Variants in NF1 observed in about 807,000 individuals in gnomAD.
NF1 encodes the protein neurofibromin 1.
Under a neutral mutation model 325.7 loss-of-function variants are expected in NF1, and 122 were observed. The ratio of observed to expected loss-of-function variants is 0.37; its 90% CI spans 0.32 to 0.44. The LOEUF (loss-of-function observed/expected upper bound fraction) is 0.44. NF1 is among the 20% of genes least tolerant of loss of function. NF1 has a pLI of 1.00. For synonymous variants in NF1, 1,091 were observed against 1,186.0 expected, an observed-to-expected ratio of 0.92 and a Z score of 1.65; for missense variants, 2,140 against 3,415.4, an observed-to-expected ratio of 0.63 and a Z score of 9.31.
intron 15 of NF1, chr17:31,222,221 G>A: frequency 9.1e-7 from 1 of 1,094,404 alleles, no homozygotes; most frequent in South Asian, 4.3e-5. Context: ...GGTTACTACT[G>A]TATTTTTAAT....
chr17:31,343,183 C>A (rs2151565456), intron 48 of NF1, 48 bp downstream of exon 48: 2 of 1,499,456 alleles, frequency 1.3e-6, no homozygotes, highest in East Asian at 2.3e-5. Flanking sequence ...TATTAAGAAA[C>A]CAGAAGTAAT....
chr17:31,307,093 G>T (rs1038216963), intron 36 of NF1, among the ~76,000 whole-genome samples: 1 of 152,032 alleles, frequency 6.6e-6, no homozygotes, highest in African/African-American at 2.4e-5. Context: ...CACAATCTGG[G>T]CTCACTGCAA....
rs7208054 is a variant in NF1 at position 31,163,584 on chromosome 17, C to T, written c.479+208C>T. 0.055 allele frequency among the ~76,000 whole-genome samples: 8,394 copies of T among 152,074 alleles called. 742 individuals carry two copies. The highest frequency in any genetic ancestry group is 0.19 in the African/African-American group (7,870 of 41,452). On this transcript the variant is annotated intron_variant, in intron 4 of 57. Coordinates refer to ENST00000358273, the MANE Select transcript of NF1 (RefSeq NM_001042492.3). Reference sequence around the variant, plus strand: ...AGAGAAATGAGTTTGTCTGGGCTTGCGTAGAAATTTTATGCATTAATATCT... The same window carrying T: ...AGAGAAATGAGTTTGTCTGGGCTTGTGTAGAAATTTTATGCATTAATATCT...
chr17:31,157,795 TAAAAA>T (rs71142027), intron 2 of NF1, among the ~76,000 whole-genome samples: 1 of 122,180 alleles, frequency 8.2e-6, no homozygotes, highest in African/African-American at 3.0e-5. Flanking sequence ...CCGTCTCTAC[TAAAAA>T]AAAAAAAAAA....
chr17:31,270,354 A>G (rs2067869083), intron 36 of NF1, among the ~76,000 whole-genome samples: 1 of 152,214 alleles, frequency 6.6e-6, no homozygotes, highest in African/African-American at 2.4e-5. Context: ...CACACCTGTA[A>G]TCCCAGCACT....
intron 1 of NF1, among the ~76,000 whole-genome samples, chr17:31,123,422 A>G (rs549215156): frequency 6.6e-6 from 1 of 152,270 alleles, no homozygotes; most frequent in East Asian, 1.9e-4. Flanking sequence ...TTATACAACT[A>G]GGAAAAGGGA....
At position 31,375,937 on chromosome 17, in the gene NF1, A is replaced by C. The variant is rs529534240; in HGVS notation, c.*1782A>C. The C allele has an allele frequency of 4.3e-5, 10 of 233,102 alleles. No individual in the cohort carries two copies. The highest frequency in any genetic ancestry group is 2.2e-4 in the African/African-American group (10 of 45,454). 14.4% of individuals were successfully genotyped at this position (233,102 alleles called of 1,614,324 possible). ...CCTTAGTATTATTAATGAGTTTACCATAGAATTGTTGGAAATACTGAAGAC... is the reference window on the plus strand; with the variant it reads ...CCTTAGTATTATTAATGAGTTTACCCTAGAATTGTTGGAAATACTGAAGAC... On this transcript the variant is annotated 3_prime_UTR_variant, in exon 58 of 58. Transcript: ENST00000358273.
intron 21 of NF1, 143 bp from the exon 22 acceptor site, chr17:31,229,692 C>A: frequency 9.1e-7 from 1 of 1,098,632 alleles, no homozygotes; most frequent in South Asian, 1.3e-5. Context: ...GTACGAGTGT[C>A]TGCGTATATC....
Position 31,108,262 on chromosome 17 carries a change from GTTTTTTTTTTTTTTT to G in NF1, c.60+12907_60+12921del, listed in dbSNP as rs56180844. Among the ~76,000 whole-genome samples, 26 of 82,536 alleles carry G rather than the reference GTTTTTTTTTTTTTTT, an allele frequency of 3.2e-4. 1 individual carries two copies. The highest frequency in any genetic ancestry group is 2.3e-3 in the Admixed American group (15 of 6,548). The allele number at this position is 82,536 out of a possible 152,430, so 54.1% of individuals were successfully genotyped here. On this transcript the variant is annotated intron_variant, in intron 1 of 57. Transcript: ENST00000358273. Reference sequence around the variant, plus strand: ...AAAGTTTCCAACATAAAAGTAGAGAGTTTTTTTTTTTTTTTTTTTTTTTTTTTTCTGAGACAGAGT... The same window carrying G: ...AAAGTTTCCAACATAAAAGTAGAGAGTTTTTTTTTTTTTCTGAGACAGAGT...
At chr17:31,159,980 A>G (rs2143651792) in intron 3 of NF1, among the ~76,000 whole-genome samples, 1 of 152,286 alleles carries the variant, frequency 6.6e-6, no homozygotes, top group South Asian at 2.1e-4. Context: ...TGTGGTTGAG[A>G]AGTGTTGGTG....
At chr17:31,320,256 T>G in intron 36 of NF1, 150 of 717,058 alleles carry the variant, frequency 2.1e-4, no homozygotes, top group Non-Finnish European at 2.9e-4. Flanking sequence ...ATTGTTCTCC[T>G]GAGATTTACT....
Position 31,198,634 on chromosome 17 carries a change from G to T in NF1, c.889-1788G>T, listed in dbSNP as rs200553425. ...TTTGTTGTTGTTGAGGGGGTGGGGG[G>T]GATAGAGTCTTGCTCTTTCGCACAG... On this transcript the variant is annotated intron_variant, in intron 8 of 57. Coordinates refer to ENST00000358273, the MANE Select transcript of NF1 (RefSeq NM_001042492.3). Among the ~76,000 whole-genome samples, 12 of 151,350 alleles carry T rather than the reference G, an allele frequency of 7.9e-5. No homozygotes were observed. The East Asian group carries it at 1.9e-3, about 25-fold the overall frequency.
chr17:31,173,145 G>T (rs527402187), intron 5 of NF1, among the ~76,000 whole-genome samples: 1 of 151,942 alleles, frequency 6.6e-6, no homozygotes, highest in Non-Finnish European at 1.5e-5. Flanking sequence ...GGCTGGGCGC[G>T]GTGGCTCACG....
intron 48 of NF1, among the ~76,000 whole-genome samples, chr17:31,345,053 G>T (rs577810257): frequency 2.6e-5 from 4 of 152,168 alleles, no homozygotes; most frequent in Admixed American, 1.3e-4. Context: ...AACCTGGGAG[G>T]CAGAGGTTGC....
chr17:31,302,402 G>A (rs1043567705), intron 36 of NF1, among the ~76,000 whole-genome samples: 4 of 152,036 alleles, frequency 2.6e-5, no homozygotes, highest in Non-Finnish European at 5.9e-5. Flanking sequence ...TGTAAAATGA[G>A]AACAGTTATG....
chr17:31,187,156 T>C (rs2066255405), intron 8 of NF1, among the ~76,000 whole-genome samples: 1 of 152,178 alleles, frequency 6.6e-6, no homozygotes, highest in Non-Finnish European at 1.5e-5. Flanking sequence ...ACTTTACAGC[T>C]AAAGAAGTGT....
chr17:31,095,388 G>C lies in NF1; in HGVS notation c.60+19G>C, dbSNP rs1169591788. ...CGAGCAGGTAACCGGCCCGTGGCGG[G>C]CGGGAGGTGGGAGCGGAGTGGGGGT... On this transcript the variant is annotated intron_variant, in intron 1 of 57. Transcript: ENST00000358273. The C allele has an allele frequency of 7.8e-6, 12 of 1,537,806 alleles. No homozygotes were observed. The highest frequency in any genetic ancestry group is 1.0e-5 in the Non-Finnish European group (12 of 1,146,078).
intron 1 of NF1, among the ~76,000 whole-genome samples, chr17:31,107,859 T>C (rs371820816): frequency 4.6e-5 from 7 of 152,088 alleles, no homozygotes; most frequent in African/African-American, 1.7e-4. Flanking sequence ...CTGAGCTTGC[T>C]GGACATGGTG....
In NF1 at chr17:31,229,409, A is replaced by C. The variant is rs886052800; in HGVS notation, c.2794A>C (p.Met932Leu). ...AGAATTGAGTCCTGCTCTGTATCCA[A>C]TGCTATTTAACAAATTGAAGAATAC... ...GLELSPALYP[M>L]LFNKLKNTIS... The change falls in exon 21 of 58, where the codon ATG (methionine) becomes CTG (leucine). Residue 932 changes from methionine to leucine, a missense_variant. By Grantham distance (15) the Met-to-Leu change is conservative. Coordinates refer to ENST00000358273, the MANE Select transcript of NF1 (RefSeq NM_001042492.3). The C allele has an allele frequency of 3.1e-6, 5 of 1,613,908 alleles. No homozygotes were observed. The highest frequency in any genetic ancestry group is 4.2e-6 in the Non-Finnish European group (5 of 1,179,812).
Sources: allele counts gnomAD v4.1 joint callset (sites outside exome capture counted in the v4.1 genomes callset), GRCh38; gene constraint gnomAD v4.1.1; transcripts MANE v1.5; gene names NCBI Gene and HGNC (gene_info 2026-07-23, HGNC 2026-07-21).